PLD5: variants seen among roughly 807,000 people sequenced by gnomAD.
The protein encoded by PLD5 is inactive phospholipase D5.
PLD5 carries 36 observed loss-of-function variants against 61.1 expected under a neutral mutation model. That is an observed-to-expected ratio of 0.59 (90% CI 0.45 to 0.78). PLD5 has a LOEUF of 0.78. Among genes scored for constraint, PLD5 ranks in the 30% least tolerant of loss-of-function variants. PLD5 has a pLI of 0.00. For synonymous variants in PLD5, 243 were observed against 242.8 expected (o/e 1.00, Z -0.01); for missense variants, 515 against 644.4 (o/e 0.80, Z 2.17).
chr1:242,188,054 C>T (rs181189962), intron 5 of PLD5, among the ~76,000 whole-genome samples: 13 of 146,532 alleles, frequency 8.9e-5, no homozygotes, highest in Middle Eastern at 3.4e-3. Flanking sequence ...AGCAGACAGA[C>T]GTCATTAGGG....
intron 1 of PLD5, among the ~76,000 whole-genome samples, chr1:242,381,229 C>G (rs929212088): frequency 1.3e-5 from 2 of 152,108 alleles, no homozygotes; most frequent in Non-Finnish European, 2.9e-5. Flanking sequence ...TAAAAAGGAA[C>G]AAGATCATGT....
chr1:242,518,061 G>A (rs1669162095), intron 1 of PLD5, among the ~76,000 whole-genome samples: 1 of 152,124 alleles, frequency 6.6e-6, no homozygotes, highest in South Asian at 2.1e-4. Context: ...TCACCCAACG[G>A]TCATGACATC....
At chr1:242,476,388 C>T (rs1667598556) in intron 1 of PLD5, among the ~76,000 whole-genome samples, 1 of 151,862 alleles carries the variant, frequency 6.6e-6, no homozygotes, top group Non-Finnish European at 1.5e-5. Context: ...AAGAAAACCC[C>T]CCCAAATGGA....
intron 1 of PLD5, among the ~76,000 whole-genome samples, chr1:242,484,317 C>T (rs900392068): frequency 6.6e-6 from 1 of 151,886 alleles, no homozygotes; most frequent in Non-Finnish European, 1.5e-5. Flanking sequence ...ACTAGCAAGA[C>T]TAATAAAGAA....
chr1:242,112,782 G>A (rs1661631693), intron 7 of PLD5, among the ~76,000 whole-genome samples: 2 of 152,074 alleles, frequency 1.3e-5, no homozygotes, highest in South Asian at 4.1e-4. Flanking sequence ...AAAGGCCTGG[G>A]GTTGCACTCC....
intron 5 of PLD5, among the ~76,000 whole-genome samples, chr1:242,134,507 T>C (rs1028045627): frequency 6.6e-6 from 1 of 152,182 alleles, no homozygotes; most frequent in Non-Finnish European, 1.5e-5. Flanking sequence ...GGATGGAATT[T>C]AGTGGGTTTC....
intron 1 of PLD5, among the ~76,000 whole-genome samples, chr1:242,460,693 T>C (rs1667090650): frequency 6.6e-6 from 1 of 152,098 alleles, no homozygotes. Context: ...AAGGTCTAGT[T>C]ACACATAAGA....
chr1:242,339,254 G>A (rs1028529615), intron 2 of PLD5, among the ~76,000 whole-genome samples: 5 of 152,112 alleles, frequency 3.3e-5, no homozygotes, highest in African/African-American at 1.2e-4. Flanking sequence ...ACAGCATGGG[G>A]CACAGAGAGA....
chr1:242,222,889 G>A (rs577742446), intron 4 of PLD5, among the ~76,000 whole-genome samples: 9 of 152,286 alleles, frequency 5.9e-5, no homozygotes, highest in African/African-American at 1.7e-4. Flanking sequence ...CTTTGACAAA[G>A]CTTTACTGAA....
chr1:242,521,867 C>A (rs762768112), intron 1 of PLD5, among the ~76,000 whole-genome samples: 2 of 152,118 alleles, frequency 1.3e-5, no homozygotes, highest in Non-Finnish European at 2.9e-5. Context: ...AGGTTTTTGA[C>A]ATCTCAAACA....
At chr1:242,361,267 A>AT (rs1415740617) in intron 1 of PLD5, among the ~76,000 whole-genome samples, 2 of 152,128 alleles carry the variant, frequency 1.3e-5, no homozygotes, top group Non-Finnish European at 2.9e-5. Context: ...TCTGATATTC[A>AT]TTTTTAAATA....
intron 5 of PLD5, among the ~76,000 whole-genome samples, chr1:242,138,929 T>A (rs777816080): frequency 1.3e-5 from 2 of 152,228 alleles, no homozygotes; most frequent in Non-Finnish European, 2.9e-5. Context: ...CAAAGTTTGG[T>A]CTCCCTATCT....
chr1:242,189,445 C>CAAAAACA (rs1668106202), intron 5 of PLD5, among the ~76,000 whole-genome samples: 1 of 70,438 alleles, frequency 1.4e-5, no homozygotes. Flanking sequence ...GACTCCATCT[C>CAAAAACA]AAAAAAAAAA....
intron 5 of PLD5, among the ~76,000 whole-genome samples, chr1:242,191,671 G>A (rs1430712178): frequency 6.6e-6 from 1 of 151,980 alleles, no homozygotes; most frequent in African/African-American, 2.4e-5. Context: ...AGGAAAAGAA[G>A]TGAGAAAAGG....
intron 2 of PLD5, among the ~76,000 whole-genome samples, chr1:242,344,127 C>T (rs146458851): frequency 1.3e-5 from 2 of 152,284 alleles, no homozygotes; most frequent in African/African-American, 4.8e-5. Flanking sequence ...CCCAAATGGC[C>T]GGGACTTGAT....
intron 4 of PLD5, among the ~76,000 whole-genome samples, chr1:242,247,005 A>G (rs1202904391): frequency 3.8e-5 from 5 of 132,340 alleles, no homozygotes; most frequent in Non-Finnish European, 6.3e-5. Context: ...TTTTTTTGAG[A>G]CGGAGTTTCG....
intron 1 of PLD5, among the ~76,000 whole-genome samples, chr1:242,472,033 C>A (rs1362760181): frequency 6.6e-6 from 1 of 152,148 alleles, no homozygotes; most frequent in Non-Finnish European, 1.5e-5. Flanking sequence ...CAATAACCCA[C>A]AAGATTATGT....
At chr1:242,183,521 C>A (rs1016187964) in intron 5 of PLD5, among the ~76,000 whole-genome samples, 1 of 152,170 alleles carries the variant, frequency 6.6e-6, no homozygotes, top group African/African-American at 2.4e-5. Flanking sequence ...TAGCTGAACT[C>A]GAAGGCAGAG....
At chr1:242,241,556 A>C (rs937180890) in intron 4 of PLD5, among the ~76,000 whole-genome samples, 4 of 140,276 alleles carry the variant, frequency 2.9e-5, no homozygotes, top group African/African-American at 1.1e-4. Flanking sequence ...GTGCTGAAAA[A>C]TGACAAATAA....
Sources: gnomAD v4.1 joint callset for allele counts (sites outside exome capture counted in the v4.1 genomes callset) on GRCh38, gnomAD v4.1.1 for gene constraint, MANE v1.5 for transcripts, NCBI Gene and HGNC (gene_info 2026-07-23, HGNC 2026-07-21) for gene names.